CLNK: variants seen among roughly 807,000 people sequenced by gnomAD.
CLNK encodes the protein cytokine-dependent hematopoietic cell linker.
CLNK carries 74 observed loss-of-function variants against 68.6 expected under a neutral mutation model. The observed-to-expected ratio is 1.08, with a 90% confidence interval of 0.89 to 1.31. The LOEUF is 1.31. Ranked by LOEUF, CLNK falls within the 50% of genes most tolerant of loss-of-function variation. CLNK has a pLI of 0.00. For missense variants in CLNK, 553 were observed against 515.3 expected (o/e 1.07, Z -0.71); for synonymous variants, 198 against 172.2 (o/e 1.15, Z -1.17).
rs191575420 is a variant in CLNK at position 10,541,900 on chromosome 4, G to A, written c.491+122C>T. The stretch of plus-strand genomic sequence containing the variant: ...ATTAGTTTTTTTTTTTTCCACATCC[G>A]TCTCTCACTCTGAAATCATATTAGA... On this transcript the variant is annotated intron_variant, in intron 10 of 18. Coordinates refer to ENST00000226951, the MANE Select transcript of CLNK (RefSeq NM_052964.4). The A allele has an allele frequency of 1.8e-3, 1,296 of 711,350 alleles. 14 individuals carry two copies. The African/African-American group carries it at 0.019, about 10-fold the overall frequency. 44.1% of individuals were successfully genotyped at this position (711,350 alleles called of 1,614,324 possible).
intron 8 of CLNK, among the ~76,000 whole-genome samples, chr4:10,553,362 C>T (rs186731604): frequency 1.3e-5 from 2 of 152,282 alleles, no homozygotes; most frequent in African/African-American, 2.4e-5. Flanking sequence ...CTCTTAAAAA[C>T]TTGGTCAGTA....
chr4:10,699,268 C>CACACATACACACCACGTACGTGTGTAT, the CLNK span, among the ~76,000 whole-genome samples: 1 of 32,416 alleles, frequency 3.1e-5, no homozygotes. Context: ...TGTGTATACA[C>CACACATACACACCACGTACGTGTGTAT]ACACACACAC....
At chr4:10,501,188 AT>A (rs1702170147) in intron 18 of CLNK, 67 bp downstream of exon 18, 10 of 1,459,320 alleles carry the variant, frequency 6.9e-6, no homozygotes, top group Middle Eastern at 2.0e-4. Context: ...CCAGGGTGAC[AT>A]CCCCCAAACT....
the CLNK span, among the ~76,000 whole-genome samples, chr4:10,696,453 A>G: frequency 6.6e-6 from 1 of 152,330 alleles, no homozygotes. Flanking sequence ...GAGATGCTTT[A>G]GGGCTTGCTT....
At chr4:10,645,663 T>C (rs1314671250) in intron 2 of CLNK, among the ~76,000 whole-genome samples, 1 of 152,190 alleles carries the variant, frequency 6.6e-6, no homozygotes, top group Non-Finnish European at 1.5e-5. Flanking sequence ...CACACATAGA[T>C]AAACATTCAT....
chr4:10,587,805 C>T (rs1438854107), intron 3 of CLNK, among the ~76,000 whole-genome samples: 1 of 152,178 alleles, frequency 6.6e-6, no homozygotes, highest in African/African-American at 2.4e-5. Context: ...CTATCTGCCT[C>T]CCCGGTCCCT....
At chr4:10,590,317 G>C (rs1383186809) in intron 3 of CLNK, among the ~76,000 whole-genome samples, 1 of 152,176 alleles carries the variant, frequency 6.6e-6, no homozygotes, top group Non-Finnish European at 1.5e-5. Context: ...CTGCCCAGCA[G>C]AACTGGCTTT....
intron 4 of CLNK, among the ~76,000 whole-genome samples, chr4:10,583,771 G>A (rs910727491): frequency 1.3e-5 from 2 of 152,194 alleles, no homozygotes; most frequent in Non-Finnish European, 2.9e-5. Context: ...GAAACGGAGT[G>A]CCCATCTGCC....
intron 12 of CLNK, among the ~76,000 whole-genome samples, chr4:10,531,221 C>G (rs560603818): frequency 1.1e-3 from 172 of 152,148 alleles, no homozygotes; most frequent in African/African-American, 4.0e-3. Context: ...TCATGGTGAC[C>G]CCACTATCCT....
chr4:10,653,555 A>T (rs1447592717), intron 2 of CLNK, among the ~76,000 whole-genome samples: 1 of 152,230 alleles, frequency 6.6e-6, no homozygotes, highest in Non-Finnish European at 1.5e-5. Context: ...TAAAATTAAC[A>T]GTAATATAGA....
intron 3 of CLNK, 110 bp downstream of exon 3, chr4:10,597,868 C>G: frequency 1.3e-6 from 1 of 757,120 alleles, no homozygotes; most frequent in South Asian, 1.7e-5. Context: ...CTCTAAGTCA[C>G]TACAGGTCAT....
Position 10,564,789 on chromosome 4 carries a change from G to A in CLNK, c.293-12C>T. ...GAAATAGTGTGTATCTATGCAAACA[G>A]AAAAATATGAAAGTCATACCTTACG... On this transcript the variant is annotated splice_polypyrimidine_tract_variant and intron_variant, in intron 6 of 18. Transcript: ENST00000226951. 1 of 1,508,478 alleles carries A rather than the reference G, an allele frequency of 6.6e-7. No homozygotes were observed. The highest frequency in any genetic ancestry group is 9.2e-7 in the Non-Finnish European group (1 of 1,084,158). The allele number at this position is 1,508,478 out of a possible 1,614,324, so 93.4% of individuals were successfully genotyped here. A position where few individuals can be genotyped will look rare whatever the true frequency, so the allele number is the denominator to read the frequency against.
upstream of CLNK, among the ~76,000 whole-genome samples, chr4:10,689,160 A>C (rs995239452): frequency 6.6e-6 from 1 of 150,522 alleles, no homozygotes; most frequent in Non-Finnish European, 1.5e-5. Flanking sequence ...GGGGGCGACG[A>C]GGTCTTACTC....
the CLNK span, among the ~76,000 whole-genome samples, chr4:10,694,794 G>A: frequency 6.6e-6 from 1 of 152,116 alleles, no homozygotes; most frequent in Non-Finnish European, 1.5e-5. Flanking sequence ...AAAAGAAGGA[G>A]ATCATGCAGC....
intron 8 of CLNK, among the ~76,000 whole-genome samples, chr4:10,546,445 G>A (rs897761772): frequency 6.6e-6 from 1 of 152,148 alleles, no homozygotes; most frequent in African/African-American, 2.4e-5. Flanking sequence ...TAACAAGAAT[G>A]GTCTTTATTC....
At chr4:10,699,230 GTA>G in the CLNK span, among the ~76,000 whole-genome samples, 708 of 114,386 alleles carry the variant, frequency 6.2e-3, 14 homozygotes, top group East Asian at 0.028. Flanking sequence ...ATATGTGTGT[GTA>G]TACACACACA....
chr4:10,719,635 C>T, the CLNK span, among the ~76,000 whole-genome samples: 5 of 152,096 alleles, frequency 3.3e-5, no homozygotes, highest in Non-Finnish European at 5.9e-5. Flanking sequence ...GACTTCAATA[C>T]TCTTCTCTCC....
At chr4:10,661,831 T>G (rs556539890) in intron 2 of CLNK, among the ~76,000 whole-genome samples, 131 of 152,314 alleles carry the variant, frequency 8.6e-4, no homozygotes, top group African/African-American at 3.1e-3. Context: ...CAGAAGGTAA[T>G]CAGCTCTTTA....
the CLNK span, among the ~76,000 whole-genome samples, chr4:10,718,250 C>T: frequency 1.3e-5 from 2 of 152,058 alleles, no homozygotes; most frequent in South Asian, 4.1e-4. Flanking sequence ...GAAAGAAATA[C>T]TCAGAGAAAT....
Sources: gnomAD v4.1 joint callset for allele counts (sites outside exome capture counted in the v4.1 genomes callset) on GRCh38, gnomAD v4.1.1 for gene constraint, MANE v1.5 for transcripts, NCBI Gene and HGNC (gene_info 2026-07-23, HGNC 2026-07-21) for gene names.